The following CASQ2 variants were observed in gnomAD, a reference collection of about 807,000 sequenced individuals.
CASQ2 encodes calsequestrin-2.
CASQ2 carries 49 observed loss-of-function variants against 46.5 expected under a neutral mutation model. The observed-to-expected ratio is 1.05, with a 90% CI of 0.84 to 1.34. CASQ2 has a LOEUF of 1.34. Among genes scored for constraint, CASQ2 ranks in the 40% most tolerant of loss-of-function variants. The pLI is 0.00. For missense variants in CASQ2, 486 were observed against 481.3 expected (o/e 1.01, Z -0.09); for synonymous variants, 174 against 168.5 (o/e 1.03, Z -0.25).
intron 8 of CASQ2, among the ~76,000 whole-genome samples, chr1:115,706,590 ATT>A (rs375973380): frequency 1.0e-3 from 153 of 152,330 alleles, no homozygotes; most frequent in African/African-American, 3.6e-3. Flanking sequence ...TACACTCAAA[ATT>A]GAAATTTAGG....
chr1:115,767,534 G>A (rs4263994), intron 1 of CASQ2, among the ~76,000 whole-genome samples: 9,926 of 152,220 alleles, frequency 0.065, 432 homozygotes, highest in Admixed American at 0.13. Flanking sequence ...GTGCCCACTA[G>A]CATTCTTGGC....
intron 8 of CASQ2, among the ~76,000 whole-genome samples, chr1:115,710,604 T>C (rs1244409616): frequency 2.6e-5 from 4 of 152,174 alleles, no homozygotes; most frequent in Non-Finnish European, 4.4e-5. Flanking sequence ...GGCTGGCCTC[T>C]ACCTTCCCAT....
intron 4 of CASQ2, among the ~76,000 whole-genome samples, chr1:115,734,767 G>A (rs560171815): frequency 1.3e-5 from 2 of 152,240 alleles, no homozygotes; most frequent in Admixed American, 6.5e-5. Context: ...CTCTCTCAGG[G>A]TTGTGCGTAC....
chr1:115,743,646 G>A (rs189192588), intron 2 of CASQ2, among the ~76,000 whole-genome samples: 5 of 150,894 alleles, frequency 3.3e-5, no homozygotes, highest in South Asian at 2.1e-4. Context: ...CCAGGATAAC[G>A]GACTTTTATG....
At chr1:115,710,644 C>T (rs190747142) in intron 8 of CASQ2, among the ~76,000 whole-genome samples, 70 of 152,274 alleles carry the variant, frequency 4.6e-4, no homozygotes, top group South Asian at 6.2e-4. Flanking sequence ...CTTCAAACCA[C>T]GCTGCCAAGC....
chr1:115,767,162 C>A (rs986372663), intron 1 of CASQ2, among the ~76,000 whole-genome samples: 1 of 152,090 alleles, frequency 6.6e-6, no homozygotes, highest in African/African-American at 2.4e-5. Flanking sequence ...TAAGCAGCAG[C>A]TAAGTTCTAT....
At chr1:115,754,922 A>T (rs993927975) in intron 1 of CASQ2, among the ~76,000 whole-genome samples, 2 of 152,170 alleles carry the variant, frequency 1.3e-5, no homozygotes, top group Admixed American at 1.3e-4. Context: ...CATTCCCTGG[A>T]GGGGCAGCCA....
intron 1 of CASQ2, among the ~76,000 whole-genome samples, chr1:115,753,247 A>G (rs1454523811): frequency 2.0e-5 from 3 of 152,160 alleles, no homozygotes; most frequent in Admixed American, 6.5e-5. Flanking sequence ...GGAGACGAGT[A>G]TGAAAGAAAG....
chr1:115,703,089 T>A, intron 9 of CASQ2, 94 bp from the exon 10 acceptor site: 2 of 961,220 alleles, frequency 2.1e-6, no homozygotes, highest in Non-Finnish European at 3.3e-6. Flanking sequence ...TAGGTCACCA[T>A]TGGTTAAAGG....
intron 7 of CASQ2, among the ~76,000 whole-genome samples, chr1:115,718,632 G>A (rs943872964): frequency 6.6e-6 from 1 of 152,196 alleles, no homozygotes; most frequent in Non-Finnish European, 1.5e-5. Context: ...TGCAGGAATT[G>A]TCTGGAATTT....
chr1:115,733,602 C>T lies in CASQ2; in HGVS notation c.533-628G>A, dbSNP rs117263109. Among the ~76,000 whole-genome samples the T allele has an allele frequency of 4.2e-3, 635 of 152,078 alleles. 5 individuals carry two copies. The highest frequency in any genetic ancestry group is 0.031 in the East Asian group (161 of 5,170). ...GTCTCAAACTTGAGTCCATACTGGC[C>T]GAGGCAGTATGAGATCAGGTGAGTG... is the stretch of plus-strand genomic sequence containing the variant. On this transcript the variant is annotated intron_variant, in intron 4 of 10. Coordinates refer to ENST00000261448, the MANE Select transcript of CASQ2 (RefSeq NM_001232.4).
intron 2 of CASQ2, among the ~76,000 whole-genome samples, chr1:115,744,552 A>G (rs1276773699): frequency 6.6e-6 from 1 of 152,240 alleles, no homozygotes; most frequent in African/African-American, 2.4e-5. Flanking sequence ...AGCTGAAAAT[A>G]AAAGCTTGAC....
intron 8 of CASQ2, among the ~76,000 whole-genome samples, chr1:115,710,863 C>T (rs1212399352): frequency 6.6e-6 from 1 of 152,312 alleles, no homozygotes; most frequent in Admixed American, 6.5e-5. Flanking sequence ...CCACGGCAAG[C>T]GACTGGCCTC....
intron 8 of CASQ2, among the ~76,000 whole-genome samples, chr1:115,715,767 G>C (rs960727725): frequency 2.4e-4 from 36 of 152,250 alleles, no homozygotes; most frequent in African/African-American, 7.5e-4. Flanking sequence ...GAGGCTATTA[G>C]TGTATTGCCA....
intron 7 of CASQ2, among the ~76,000 whole-genome samples, chr1:115,720,218 A>C (rs533247006): frequency 1.3e-5 from 2 of 152,232 alleles, no homozygotes; most frequent in East Asian, 3.9e-4. Context: ...TTTATTTCTC[A>C]CTGTTATGGA....
chr1:115,700,028 A>G lies in CASQ2; in HGVS notation c.*1213T>C, dbSNP rs1228922578. 4 of 152,546 alleles carry G rather than the reference A, an allele frequency of 2.6e-5. No homozygotes were observed. The highest frequency in any genetic ancestry group is 4.4e-5 in the Non-Finnish European group (3 of 68,052). The allele number at this position is 152,546 out of a possible 1,614,324, so 9.4% of individuals were successfully genotyped here. A position where few individuals can be genotyped will look rare whatever the true frequency, so the allele number is the denominator to read the frequency against. On this transcript the variant is annotated 3_prime_UTR_variant, in exon 11 of 11. Coordinates refer to ENST00000261448, the MANE Select transcript of CASQ2 (RefSeq NM_001232.4). ...TTTTCAACATTGTCTGAATATTTTCAAAATATGAGTTTAATGACAGAATTA... is the reference window on the plus strand; with the variant it reads ...TTTTCAACATTGTCTGAATATTTTCGAAATATGAGTTTAATGACAGAATTA...
At chr1:115,716,238 C>T (rs1654696957) in intron 8 of CASQ2, among the ~76,000 whole-genome samples, 1 of 152,208 alleles carries the variant, frequency 6.6e-6, no homozygotes, top group African/African-American at 2.4e-5. Flanking sequence ...CCTGCAAAAT[C>T]AATTTTCCTG....
At chr1:115,753,974 A>G (rs1458612803) in intron 1 of CASQ2, among the ~76,000 whole-genome samples, 1 of 152,100 alleles carries the variant, frequency 6.6e-6, no homozygotes. Context: ...CATTAAAAAC[A>G]CCCTGGCTGT....
At chr1:115,703,923 AC>A (rs67908795) in intron 9 of CASQ2, among the ~76,000 whole-genome samples, 29,205 of 148,536 alleles carry the variant, frequency 0.2, 2,813 homozygotes, top group South Asian at 0.27. Context: ...AAAAAAAAAA[AC>A]AAAAAAAAAC....
Sources: gnomAD v4.1 joint callset for allele counts (sites outside exome capture counted in the v4.1 genomes callset) on GRCh38, gnomAD v4.1.1 for gene constraint, MANE v1.5 for transcripts, NCBI Gene and HGNC (gene_info 2026-07-23, HGNC 2026-07-21) for gene names.